The following FBXO25 variants were observed in gnomAD, a reference collection of about 807,000 sequenced individuals.
FBXO25 encodes F-box protein 25.
In FBXO25, 45 loss-of-function variants were observed where a neutral mutation model predicts 51.9. The ratio of observed to expected loss-of-function variants is 0.87; its 90% confidence interval spans 0.68 to 1.11. The LOEUF is 1.11. Ranked by LOEUF, FBXO25 falls within the 50% of genes most tolerant of loss-of-function variation. The pLI is 0.00. For synonymous variants in FBXO25, 199 were observed against 151.0 expected, an observed-to-expected ratio of 1.32 and a Z score of -2.33; for missense variants, 507 against 428.5, an observed-to-expected ratio of 1.18 and a Z score of -1.62.
At chr8:433,885 C>A (rs2117638168) in intron 4 of FBXO25, among the ~76,000 whole-genome samples, 1 of 152,222 alleles carries the variant, frequency 6.6e-6, no homozygotes, top group Middle Eastern at 3.4e-3. Context: ...GAATCAGATC[C>A]TTAATATACA....
At chr8:413,468 A>C (rs1192707037) in intron 2 of FBXO25, among the ~76,000 whole-genome samples, 1 of 152,140 alleles carries the variant, frequency 6.6e-6, no homozygotes, top group African/African-American at 2.4e-5. Flanking sequence ...TATTATTTTT[A>C]ATCCCACATT....
intron 2 of FBXO25, among the ~76,000 whole-genome samples, chr8:418,514 A>G (rs1396867700): frequency 2.7e-5 from 4 of 150,784 alleles, no homozygotes; most frequent in Non-Finnish European, 5.9e-5. Context: ...TAATTTTTGT[A>G]TTTTTAGTAG....
rs1207244013 is a variant in FBXO25 at position 418,333 on chromosome 8, C to CTTTTTTTTTTTTTTTT, written c.134+5129_134+5144dup. 6.8e-4 allele frequency among the ~76,000 whole-genome samples: 49 copies of CTTTTTTTTTTTTTTTT among 72,334 alleles called. 3 individuals are homozygous for CTTTTTTTTTTTTTTTT. Among genetic ancestry groups the CTTTTTTTTTTTTTTTT allele is most frequent in the African/African-American group, 7.7e-4 (14 of 18,252 alleles). 47.5% of individuals were successfully genotyped at this position (72,334 alleles called of 152,430 possible). A position where few individuals can be genotyped will look rare whatever the true frequency, so the allele number is the denominator to read the frequency against. ...CCTTTCTTTTGTTCGTTTGTTTGTT[C>CTTTTTTTTTTTTTTTT]TTTTTTTTTTTTTTTTTTTTTTTTG... On this transcript the variant is annotated intron_variant, in intron 2 of 9. Transcript: ENST00000350302.
At chr8:433,317 G>T (rs1402377969) in intron 4 of FBXO25, among the ~76,000 whole-genome samples, 1 of 152,124 alleles carries the variant, frequency 6.6e-6, no homozygotes, top group Non-Finnish European at 1.5e-5. Context: ...CTGCCTACCT[G>T]TACATATCTG....
chr8:440,957 T>G (rs1403659019), intron 5 of FBXO25, among the ~76,000 whole-genome samples: 2 of 147,304 alleles, frequency 1.4e-5, no homozygotes, highest in East Asian at 3.9e-4. Context: ...ATGGTGTATA[T>G]GTGCCACATT....
chr8:448,143 A>G (rs114737918), intron 5 of FBXO25, among the ~76,000 whole-genome samples: 2,561 of 152,320 alleles, frequency 0.017, 63 homozygotes, highest in African/African-American at 0.059. Context: ...CATATTTATC[A>G]CTGGAATCTT....
At position 458,450 on chromosome 8, in the gene FBXO25, G is replaced by T; in HGVS notation, c.742G>T (p.Asp248Tyr). ...NILYRFSDGW[D>Y]IITLGQVTPT... ...CCTATACCGGTTCTCAGACGGATGG[G>T]ACATCATCACCTTAGGCCAGGTGAC... The change falls in exon 8 of 10, where the codon GAC (aspartate) becomes TAC (tyrosine). Residue 248 changes from aspartate to tyrosine, a missense_variant. Transcript: ENST00000350302. The T allele has an allele frequency of 6.2e-7, 1 of 1,614,184 alleles. No homozygotes were observed. The highest frequency in any genetic ancestry group is 1.3e-5 in the African/African-American group (1 of 75,050).
At position 458,409 on chromosome 8, in the gene FBXO25, A is replaced by C; in HGVS notation, c.701A>C (p.His234Pro). The C allele has an allele frequency of 1.9e-6, 3 of 1,614,188 alleles. No homozygotes were observed. The highest frequency in any genetic ancestry group is 2.5e-6 in the Non-Finnish European group (3 of 1,180,010). ...NGLTLSDLPL[H>P]MLNNILYRFS... ...CTCACCCTCAGTGACCTTCCTCTGC[A>C]CATGCTGAACAACATCCTATACCGG... is the stretch of plus-strand genomic sequence containing the variant. The change falls in exon 8 of 10, where the codon CAC becomes CCC. Residue 234 changes from histidine to proline, a missense_variant. His to Pro is a moderately conservative substitution (Grantham distance 77). Coordinates refer to ENST00000350302, the MANE Select transcript of FBXO25 (RefSeq NM_183420.2).
chr8:413,995 G>A (rs1460432003), intron 2 of FBXO25, among the ~76,000 whole-genome samples: 1 of 152,158 alleles, frequency 6.6e-6, no homozygotes, highest in Non-Finnish European at 1.5e-5. Flanking sequence ...GCCTCCTCTA[G>A]AATGTCATGG....
chr8:417,375 A>G (rs1285681071), intron 2 of FBXO25, among the ~76,000 whole-genome samples: 1 of 152,254 alleles, frequency 6.6e-6, no homozygotes, highest in East Asian at 1.9e-4. Context: ...GTTAACCCCC[A>G]TGGGAAATGA....
chr8:410,934 A>G (rs1052497137), intron 1 of FBXO25, among the ~76,000 whole-genome samples: 1 of 152,192 alleles, frequency 6.6e-6, no homozygotes, highest in African/African-American at 2.4e-5. Flanking sequence ...TGGTTGATCC[A>G]GGAATATTGT....
In FBXO25 at chr8:409,417, C is replaced by G. The variant is rs563938183; in HGVS notation, c.-8+2351C>G. ...TCACTCCTTTCAACCCTTAAAAAAT[C>G]AAACTTATCAGCTGAGAAATTCAGA... On this transcript the variant is annotated intron_variant, in intron 1 of 9. Transcript: ENST00000350302. 3.8e-4 allele frequency among the ~76,000 whole-genome samples: 58 copies of G among 152,294 alleles called. 3 individuals are homozygous for G. The South Asian group carries it at 0.011, about 28-fold the overall frequency.
At chr8:456,553 A>T (rs1042209605) in intron 7 of FBXO25, among the ~76,000 whole-genome samples, 1 of 152,174 alleles carries the variant, frequency 6.6e-6, no homozygotes, top group African/African-American at 2.4e-5. Context: ...CATAGCCTAC[A>T]ACAGGGCTGA....
chr8:437,680 T>G (rs913582471), intron 5 of FBXO25, among the ~76,000 whole-genome samples: 3 of 152,198 alleles, frequency 2.0e-5, no homozygotes, highest in African/African-American at 7.2e-5. Flanking sequence ...ATCCCAATTC[T>G]TAACCTCCCT....
At chr8:440,777 C>T (rs2116647984) in intron 5 of FBXO25, among the ~76,000 whole-genome samples, 1 of 150,924 alleles carries the variant, frequency 6.6e-6, no homozygotes, top group East Asian at 2.0e-4. Flanking sequence ...GTGATGTTCC[C>T]CTCCCTGTGC....
rs1373568485 is a variant in FBXO25 at position 473,308 on chromosome 8, GC to G, written c.*4507del. On this transcript the variant is annotated 3_prime_UTR_variant, in exon 10 of 10. Transcript: ENST00000350302. ...AACTGCATCATTGTGTGCCTAAAAA[GC>G]CCTGGCTCACAGCATGAGACAGTGT... is the stretch of plus-strand genomic sequence containing the variant. 2.0e-5 allele frequency: 3 copies of G among 152,344 alleles called. No individual in the cohort carries two copies. The highest frequency in any genetic ancestry group is 7.2e-5 in the African/African-American group (3 of 41,556). 9.4% of individuals were successfully genotyped at this position (152,344 alleles called of 1,614,324 possible). A position where few individuals can be genotyped will look rare whatever the true frequency, so the allele number is the denominator to read the frequency against.
At chr8:408,579 G>C (rs1796305245) in intron 1 of FBXO25, among the ~76,000 whole-genome samples, 1 of 152,208 alleles carries the variant, frequency 6.6e-6, no homozygotes, top group African/African-American at 2.4e-5. Flanking sequence ...AACATATGTA[G>C]ATTGTTTAGA....
chr8:445,618 C>T (rs1212842756), intron 5 of FBXO25, among the ~76,000 whole-genome samples: 7 of 152,170 alleles, frequency 4.6e-5, no homozygotes, highest in African/African-American at 1.2e-4. Context: ...TTTGGGAGGC[C>T]GAGGTGGGCG....
chr8:469,407 GCTCC>G lies in FBXO25; in HGVS notation c.*604_*607del. 6.6e-6 allele frequency: 1 copy of G among 152,520 alleles called. No homozygotes were observed. The highest frequency in any genetic ancestry group is 1.5e-5 in the Non-Finnish European group (1 of 68,228). The allele number at this position is 152,520 out of a possible 1,614,324, so 9.4% of individuals were successfully genotyped here. On this transcript the variant is annotated 3_prime_UTR_variant, in exon 10 of 10. Coordinates refer to ENST00000350302, the MANE Select transcript of FBXO25 (RefSeq NM_183420.2). ...CCCAACAACGGGCAGTGGTCTCTGT[GCTCC>G]TAGGCATCCAGCACAGGTTCTGGCA...
Sources: gnomAD v4.1 joint callset for allele counts (sites outside exome capture counted in the v4.1 genomes callset) on GRCh38, gnomAD v4.1.1 for gene constraint, MANE v1.5 for transcripts, NCBI Gene and HGNC (gene_info 2026-07-23, HGNC 2026-07-21) for gene names.